CTNND2: variants seen among roughly 807,000 people sequenced by gnomAD.
The protein encoded by CTNND2 is catenin delta 2.
CTNND2 carries 22 observed loss-of-function variants against 144.4 expected under a neutral mutation model. That is an observed-to-expected ratio of 0.15 (90% confidence interval 0.11 to 0.22). The LOEUF (loss-of-function observed/expected upper bound fraction) is 0.22, where lower values mean the gene tolerates loss of function less well. Among genes scored for constraint, CTNND2 ranks in the 10% least tolerant of loss-of-function variants. The probability of loss-of-function intolerance (pLI) is 1.00; values close to 1 mark genes in which losing one functional copy is unlikely to be tolerated. For synonymous variants in CTNND2, 751 were observed against 695.6 expected, an observed-to-expected ratio of 1.08 and a Z score of -1.25; for missense variants, 1,353 against 1,618.8, an observed-to-expected ratio of 0.84 and a Z score of 2.82.
At chr5:11,665,214 T>G (rs561423833) in intron 2 of CTNND2, among the ~76,000 whole-genome samples, 3 of 152,306 alleles carry the variant, frequency 2.0e-5, no homozygotes, top group African/African-American at 7.2e-5. Context: ...CTCTTGTATA[T>G]GTGGTGAATC....
At chr5:11,408,985 CTATT>C (rs1195782831) in intron 5 of CTNND2, among the ~76,000 whole-genome samples, 1 of 151,900 alleles carries the variant, frequency 6.6e-6, no homozygotes, top group Non-Finnish European at 1.5e-5. Flanking sequence ...TAGTTTCTTG[CTATT>C]TATTTACCTC....
At chr5:11,782,825 C>T (rs1341659221) in intron 1 of CTNND2, among the ~76,000 whole-genome samples, 3 of 152,132 alleles carry the variant, frequency 2.0e-5, no homozygotes, top group Non-Finnish European at 4.4e-5. Flanking sequence ...ATAATCAAGT[C>T]CCCAAATCTG....
At chr5:11,810,900 C>G (rs1483367012) in intron 1 of CTNND2, among the ~76,000 whole-genome samples, 2 of 151,944 alleles carry the variant, frequency 1.3e-5, no homozygotes, top group African/African-American at 4.8e-5. Context: ...TGACATGCAA[C>G]AGAGAAAGTG....
At position 10,989,544 on chromosome 5, in the gene CTNND2, C is replaced by A. The variant is rs61751697; in HGVS notation, c.3212-1302G>T. On this transcript the variant is annotated intron_variant, in intron 19 of 21. Transcript: ENST00000304623. ...TCTCTTTCCTTTGCTAGTGTCAAAG[C>A]TCCTCCCCAGCCAAACTTCAGTTTA... is the stretch of plus-strand genomic sequence containing the variant. Among the ~76,000 whole-genome samples, 469 of 152,310 alleles carry A rather than the reference C, an allele frequency of 3.1e-3. 3 individuals carry two copies. Among genetic ancestry groups the A allele is most frequent in the East Asian group, 0.022 (113 of 5,184 alleles).
intron 2 of CTNND2, among the ~76,000 whole-genome samples, chr5:11,670,514 T>C (rs536820507): frequency 4.6e-5 from 7 of 152,354 alleles, no homozygotes; most frequent in African/African-American, 1.7e-4. Flanking sequence ...TGTCCTCCTT[T>C]GTCTCTTTTG....
rs1451822533 is a variant in CTNND2, at chr5:11,022,836, C to T, written c.2932G>A (p.Ala978Thr). 8.1e-6 allele frequency: 13 copies of T among 1,614,092 alleles called. No individual in the cohort carries two copies. In the African/African-American group the frequency reaches 1.1e-4, roughly 13 times the overall value. Residue 978 changes from alanine to threonine, a missense_variant, in exon 17 of 22, where the codon GCC becomes ACC. Physicochemically the swap from Ala to Thr is moderately conservative, Grantham distance 58. Transcript: ENST00000304623. ...HEVITKNMEN[A>T]KALRDAGGIE... ...CCACCGGCATCCCGTAAGGCCTTGG[C>T]GTTCTCCATGTTCTTGGTAATCACT...
intron 3 of CTNND2, among the ~76,000 whole-genome samples, chr5:11,518,344 A>T (rs1210479172): frequency 6.6e-6 from 1 of 152,246 alleles, no homozygotes; most frequent in Non-Finnish European, 1.5e-5. Flanking sequence ...TTTGTGTTTT[A>T]AGCCAAGTGC....
At chr5:11,611,493 T>C (rs1780320909) in intron 2 of CTNND2, among the ~76,000 whole-genome samples, 1 of 152,172 alleles carries the variant, frequency 6.6e-6, no homozygotes. Context: ...AAGGTTTATC[T>C]TGGGCCAGGT....
intron 2 of CTNND2, among the ~76,000 whole-genome samples, chr5:11,655,081 G>A (rs534269461): frequency 9.0e-4 from 137 of 151,980 alleles, no homozygotes; most frequent in African/African-American, 3.2e-3. Flanking sequence ...CAGTTATACT[G>A]GGTTAAATAA....
At chr5:11,121,938 T>C (rs896139478) in intron 12 of CTNND2, among the ~76,000 whole-genome samples, 1 of 152,226 alleles carries the variant, frequency 6.6e-6, no homozygotes, top group African/African-American at 2.4e-5. Context: ...TATTTTGTAT[T>C]GGTATTATTT....
chr5:11,314,084 T>C (rs919831356), intron 9 of CTNND2, among the ~76,000 whole-genome samples: 2 of 152,088 alleles, frequency 1.3e-5, no homozygotes, highest in African/African-American at 4.8e-5. Context: ...AGTCAAACCA[T>C]ATCAAGCCAC....
At chr5:11,653,253 T>C (rs975859351) in intron 2 of CTNND2, among the ~76,000 whole-genome samples, 1 of 152,164 alleles carries the variant, frequency 6.6e-6, no homozygotes, top group African/African-American at 2.4e-5. Flanking sequence ...CCTTTTTTAA[T>C]AGTCCCACAT....
chr5:11,644,942 T>TTA (rs1344479957), intron 2 of CTNND2, among the ~76,000 whole-genome samples: 2 of 152,110 alleles, frequency 1.3e-5, no homozygotes, highest in Non-Finnish European at 2.9e-5. Context: ...CATCAAATAG[T>TTA]TATATATATG....
At chr5:11,096,677 C>T (rs1412960024) in intron 15 of CTNND2, among the ~76,000 whole-genome samples, 1 of 152,070 alleles carries the variant, frequency 6.6e-6, no homozygotes, top group Non-Finnish European at 1.5e-5. Flanking sequence ...GATATTTCTC[C>T]ACTTTTAAGT....
At chr5:11,865,211 G>A (rs1290612780) in intron 1 of CTNND2, among the ~76,000 whole-genome samples, 2 of 152,116 alleles carry the variant, frequency 1.3e-5, no homozygotes, top group Admixed American at 1.3e-4. Context: ...GTTTTTGAAT[G>A]TGTAAAATGG....
rs915436582 is a variant in CTNND2 at position 11,387,113 on chromosome 5, A to G, written c.613-1884T>C. On this transcript the variant is annotated intron_variant, in intron 6 of 21. Coordinates refer to ENST00000304623, the MANE Select transcript of CTNND2 (RefSeq NM_001332.4). ...TTGCTATTTAATTCAGCATCCCTGA[A>G]GGTGAGACCATATATCAGTTTTTTT... is the stretch of plus-strand genomic sequence containing the variant. Among the ~76,000 whole-genome samples, 3 of 121,366 alleles carry G rather than the reference A, an allele frequency of 2.5e-5. No homozygotes were observed. The South Asian group carries it at 9.6e-4, about 39-fold the overall frequency. The allele number at this position is 121,366 out of a possible 152,430, so 79.6% of individuals were successfully genotyped here.
At chr5:11,585,597 A>C (rs566364261) in intron 2 of CTNND2, among the ~76,000 whole-genome samples, 1 of 152,242 alleles carries the variant, frequency 6.6e-6, no homozygotes, top group Non-Finnish European at 1.5e-5. Context: ...CAATGAAAAA[A>C]ATCAGACAAA....
At chr5:11,503,549 T>C (rs1435188292) in intron 3 of CTNND2, among the ~76,000 whole-genome samples, 1 of 152,228 alleles carries the variant, frequency 6.6e-6, no homozygotes, top group Non-Finnish European at 1.5e-5. Context: ...AATCAATCAA[T>C]GCATCTTCAT....
intron 16 of CTNND2, among the ~76,000 whole-genome samples, chr5:11,044,264 G>T (rs935950815): frequency 1.3e-5 from 2 of 152,166 alleles, no homozygotes; most frequent in Non-Finnish European, 2.9e-5. Context: ...CGTTTGGCAT[G>T]ATCTGACAGA....
Sources: gnomAD v4.1 joint callset for allele counts (sites outside exome capture counted in the v4.1 genomes callset) on GRCh38, gnomAD v4.1.1 for gene constraint, MANE v1.5 for transcripts, NCBI Gene and HGNC (gene_info 2026-07-23, HGNC 2026-07-21) for gene names.